BCKDHB: variants seen among roughly 807,000 people sequenced by gnomAD.
BCKDHB encodes 2-oxoisovalerate dehydrogenase subunit beta, mitochondrial.
In BCKDHB, 41 loss-of-function variants were observed where a neutral mutation model predicts 48.5. That is an observed-to-expected ratio of 0.85 (90% CI 0.66 to 1.10). BCKDHB has a LOEUF of 1.10. Among genes scored for constraint, BCKDHB ranks in the 50% least tolerant of loss-of-function variants. BCKDHB has a pLI of 0.00. For synonymous variants in BCKDHB, 201 were observed against 174.8 expected (o/e 1.15, Z -1.18); for missense variants, 496 against 494.2 (o/e 1.00, Z -0.03).
At chr6:80,374,887 T>G in the BCKDHB span, among the ~76,000 whole-genome samples, 3 of 152,226 alleles carry the variant, frequency 2.0e-5, no homozygotes, top group Admixed American at 6.5e-5. Flanking sequence ...TGGAAAAGAC[T>G]GTATCTTTCC....
chr6:80,186,633 C>T (rs1400564831), intron 6 of BCKDHB, among the ~76,000 whole-genome samples: 35 of 152,168 alleles, frequency 2.3e-4, no homozygotes, highest in Admixed American at 2.3e-3. Flanking sequence ...AAAATTTGTA[C>T]TCAGTTGAAC....
At chr6:80,276,187 G>A (rs918676312) in intron 9 of BCKDHB, among the ~76,000 whole-genome samples, 1 of 151,954 alleles carries the variant, frequency 6.6e-6, no homozygotes, top group Admixed American at 6.6e-5. Context: ...CTCCACAGGC[G>A]ATTTTTGATA....
the BCKDHB span, among the ~76,000 whole-genome samples, chr6:80,451,554 A>G: frequency 1.3e-5 from 2 of 152,094 alleles, no homozygotes; most frequent in African/African-American, 4.8e-5. Context: ...CCTGGCCAAC[A>G]TGGCAAAACC....
rs574451110 is a variant in BCKDHB at position 80,264,852 on chromosome 6, T to C, written c.952-8283T>C. 1.2e-4 allele frequency among the ~76,000 whole-genome samples: 18 copies of C among 152,162 alleles called. 1 individual carries two copies. The South Asian group carries it at 3.7e-3, about 32-fold the overall frequency. On this transcript the variant is annotated intron_variant, in intron 8 of 9. Transcript: ENST00000320393. ...GATGTATTAAGCACCTTTGAAACAC[T>C]ATATCAACAACAAAACATAAAACAG...
intron 6 of BCKDHB, among the ~76,000 whole-genome samples, chr6:80,177,865 A>G (rs1773238417): frequency 6.6e-6 from 1 of 152,246 alleles, no homozygotes; most frequent in Non-Finnish European, 1.5e-5. Context: ...CCTGTAGTGT[A>G]TAATTTTAAT....
intron 1 of BCKDHB, among the ~76,000 whole-genome samples, chr6:80,112,082 T>G (rs778766746): frequency 3.3e-5 from 5 of 152,250 alleles, no homozygotes; most frequent in African/African-American, 7.2e-5. Context: ...ACTTATTTAC[T>G]TAATTTATGA....
chr6:80,302,927 G>A (rs567993393), intron 9 of BCKDHB, among the ~76,000 whole-genome samples: 1 of 152,136 alleles, frequency 6.6e-6, no homozygotes, highest in Non-Finnish European at 1.5e-5. Flanking sequence ...ATCTGTGGAG[G>A]TGGCAGCACT....
chr6:80,284,942 T>C (rs926577209), intron 9 of BCKDHB, among the ~76,000 whole-genome samples: 2 of 152,168 alleles, frequency 1.3e-5, no homozygotes, highest in African/African-American at 2.4e-5. Flanking sequence ...ACTCAGACAA[T>C]GTTTTCTCTG....
At chr6:80,448,773 T>A in the BCKDHB span, among the ~76,000 whole-genome samples, 1 of 152,142 alleles carries the variant, frequency 6.6e-6, no homozygotes. Flanking sequence ...TAAAGAGATA[T>A]CCTTGATGCC....
the BCKDHB span, among the ~76,000 whole-genome samples, chr6:80,381,988 T>C: frequency 6.6e-6 from 1 of 152,138 alleles, no homozygotes; most frequent in Non-Finnish European, 1.5e-5. Flanking sequence ...TTAAATACAA[T>C]GTAATTTCTG....
chr6:80,188,770 C>T (rs187239252), intron 6 of BCKDHB, among the ~76,000 whole-genome samples: 1 of 152,218 alleles, frequency 6.6e-6, no homozygotes, highest in East Asian at 1.9e-4. Flanking sequence ...GGCAAACCTG[C>T]ACATGTACCC....
At chr6:80,181,637 T>A (rs1156707307) in intron 6 of BCKDHB, among the ~76,000 whole-genome samples, 1 of 152,210 alleles carries the variant, frequency 6.6e-6, no homozygotes, top group Non-Finnish European at 1.5e-5. Flanking sequence ...TCTGTCCCTT[T>A]ATCACCCTGC....
At chr6:80,226,528 G>A (rs1775685119) in intron 8 of BCKDHB, among the ~76,000 whole-genome samples, 1 of 152,202 alleles carries the variant, frequency 6.6e-6, no homozygotes, top group Non-Finnish European at 1.5e-5. Context: ...GAAAATGGTA[G>A]GAGTGGATGG....
intron 4 of BCKDHB, 34 bp from the exon 5 acceptor site, chr6:80,168,838 CATT>C: frequency 6.3e-7 from 1 of 1,585,622 alleles, no homozygotes; most frequent in Non-Finnish European, 8.6e-7. Context: ...GGGAAGGACT[CATT>C]GTGCCATGCC....
chr6:80,458,050 T>G, the BCKDHB span, among the ~76,000 whole-genome samples: 2 of 152,164 alleles, frequency 1.3e-5, no homozygotes, highest in Non-Finnish European at 2.9e-5. Context: ...AGGGAACTAT[T>G]CTCTTTTGTG....
At chr6:80,328,896 C>G (rs1282965281) in intron 9 of BCKDHB, among the ~76,000 whole-genome samples, 1 of 151,980 alleles carries the variant, frequency 6.6e-6, no homozygotes, top group African/African-American at 2.4e-5. Context: ...TACTCCTTGC[C>G]AAAGATACAA....
At chr6:80,388,269 C>T in the BCKDHB span, among the ~76,000 whole-genome samples, 4 of 152,128 alleles carry the variant, frequency 2.6e-5, no homozygotes, top group Admixed American at 1.3e-4. Flanking sequence ...TCCAGTGGAT[C>T]GAATGATGTT....
the BCKDHB span, among the ~76,000 whole-genome samples, chr6:80,457,163 A>G: frequency 6.6e-6 from 1 of 152,232 alleles, no homozygotes; most frequent in South Asian, 2.1e-4. Context: ...AAAATGAAAT[A>G]GGAAGTAACC....
chr6:80,131,787 C>T lies in BCKDHB; in HGVS notation c.343+2558C>T, dbSNP rs979481862. ...CCTCCTGAGTAGCTGGGACTACAGC[C>T]GCATACCACCATGCCCTGCTAATTT... On this transcript the variant is annotated intron_variant, in intron 3 of 9. Transcript: ENST00000320393. 4.6e-5 allele frequency among the ~76,000 whole-genome samples: 7 copies of T among 151,848 alleles called. No individual in the cohort carries two copies. In the East Asian group the frequency reaches 5.8e-4, roughly 13 times the overall value.
Sources: allele counts gnomAD v4.1 joint callset (sites outside exome capture counted in the v4.1 genomes callset), GRCh38; gene constraint gnomAD v4.1.1; transcripts MANE v1.5; gene names NCBI Gene and HGNC (gene_info 2026-07-23, HGNC 2026-07-21).